The following UBR3 variants were observed in gnomAD, a reference collection of about 807,000 sequenced individuals.
UBR3 encodes E3 ubiquitin-protein ligase UBR3.
Under a neutral mutation model 243.2 loss-of-function variants are expected in UBR3, and 85 were observed. The ratio of observed to expected loss-of-function variants is 0.35; its 90% CI spans 0.29 to 0.42. The LOEUF (loss-of-function observed/expected upper bound fraction) is 0.42, where lower values mean the gene tolerates loss of function less well. Among genes scored for constraint, UBR3 ranks in the 10% least tolerant of loss-of-function variants. The pLI, the probability that UBR3 is intolerant of heterozygous loss-of-function variation, is 1.00. For synonymous variants in UBR3, 748 were observed against 799.8 expected, an observed-to-expected ratio of 0.94 and a Z score of 1.09; for missense variants, 1,686 against 2,300.8, an observed-to-expected ratio of 0.73 and a Z score of 5.47.
In UBR3 at chr2:169,906,241, A is replaced by G. The variant is rs975020033; in HGVS notation, c.1779+77A>G. On this transcript the variant is annotated intron_variant, in intron 10 of 38. Coordinates refer to ENST00000272793, the MANE Select transcript of UBR3 (RefSeq NM_172070.4). ...AAAATATTGGTTTGTTCATTTGTATATAATGTGCAGTGTTTAATTTTGTTT... is the reference window on the plus strand; with the variant it reads ...AAAATATTGGTTTGTTCATTTGTATGTAATGTGCAGTGTTTAATTTTGTTT... 7 of 1,445,636 alleles carry G rather than the reference A, an allele frequency of 4.8e-6. No individual in the cohort carries two copies. The Admixed American group carries it at 8.3e-5, about 17-fold the overall frequency. The allele number at this position is 1,445,636 out of a possible 1,614,324, so 89.6% of individuals were successfully genotyped here. A position where few individuals can be genotyped will look rare whatever the true frequency, so the allele number is the denominator to read the frequency against.
chr2:170,021,222 A>T (rs868305088), intron 30 of UBR3, among the ~76,000 whole-genome samples: 1 of 152,098 alleles, frequency 6.6e-6, no homozygotes, highest in Non-Finnish European at 1.5e-5. Context: ...ATAATTGTCA[A>T]ATTGGGGGGT....
chr2:169,968,058 TA>T (rs1391361495), intron 24 of UBR3, among the ~76,000 whole-genome samples: 1 of 152,014 alleles, frequency 6.6e-6, no homozygotes, highest in Non-Finnish European at 1.5e-5. Flanking sequence ...TTCATTCTTT[TA>T]AAAAAATTTA....
chr2:169,866,273 C>CA (rs2083261170), intron 1 of UBR3, among the ~76,000 whole-genome samples: 10 of 102,992 alleles, frequency 9.7e-5, no homozygotes, highest in Admixed American at 9.7e-4. Context: ...AAAAAAAAAG[C>CA]AAAAAAAGCT....
chr2:170,032,559 CTT>C (rs2090702422), intron 31 of UBR3, among the ~76,000 whole-genome samples: 1 of 36,842 alleles, frequency 2.7e-5, no homozygotes, highest in South Asian at 7.9e-4. Flanking sequence ...CTGAGTTTTT[CTT>C]TGTGCTTGAT....
chr2:170,022,495 T>C (rs1417563340), intron 30 of UBR3, among the ~76,000 whole-genome samples: 2 of 152,188 alleles, frequency 1.3e-5, no homozygotes, highest in Non-Finnish European at 2.9e-5. Context: ...CATATAGTGC[T>C]GGAAGGAACA....
intron 1 of UBR3, among the ~76,000 whole-genome samples, chr2:169,868,687 CAA>C (rs2083335985): frequency 6.6e-6 from 1 of 152,200 alleles, no homozygotes; most frequent in South Asian, 2.1e-4. Flanking sequence ...CCTATATCAT[CAA>C]ATAACCACTA....
rs922436375 is a variant in UBR3, at chr2:169,945,144, G to T, written c.2806-1144G>T. Reference sequence around the variant, plus strand: ...TTCAGTTTTATTTTTCTTTCTTTTAGTTTTTTTTTTTTTGGTTGGGGATGG... The same window carrying T: ...TTCAGTTTTATTTTTCTTTCTTTTATTTTTTTTTTTTTTGGTTGGGGATGG... On this transcript the variant is annotated intron_variant, in intron 20 of 38. Coordinates refer to ENST00000272793, the MANE Select transcript of UBR3 (RefSeq NM_172070.4). Among the ~76,000 whole-genome samples, 5 of 142,530 alleles carry T rather than the reference G, an allele frequency of 3.5e-5. No individual in the cohort carries two copies. The South Asian group carries it at 6.7e-4, about 19-fold the overall frequency. The allele number at this position is 142,530 out of a possible 152,430, so 93.5% of individuals were successfully genotyped here.
At chr2:169,874,330 G>A (rs1308328957) in intron 2 of UBR3, among the ~76,000 whole-genome samples, 2 of 151,842 alleles carry the variant, frequency 1.3e-5, no homozygotes, top group Non-Finnish European at 2.9e-5. Flanking sequence ...CACCACGCCC[G>A]GCTAATTTTT....
intron 13 of UBR3, 108 bp from the exon 14 acceptor site, chr2:169,925,511 G>A (rs62170346): frequency 0.074 from 69,907 of 939,190 alleles, 2,837 homozygotes; most frequent in Non-Finnish European, 0.082. Context: ...ACAGAATATC[G>A]GGCTTATACT....
intron 26 of UBR3, among the ~76,000 whole-genome samples, chr2:170,000,781 A>C (rs1203988406): frequency 6.6e-6 from 1 of 152,200 alleles, no homozygotes; most frequent in African/African-American, 2.4e-5. Context: ...TGCACTGAGA[A>C]TAGAACCTTG....
chr2:169,987,016 C>A (rs990415469), intron 25 of UBR3, among the ~76,000 whole-genome samples: 2 of 152,102 alleles, frequency 1.3e-5, no homozygotes, highest in Admixed American at 1.3e-4. Context: ...TGTATGGTTT[C>A]ACAATTTTTT....
intron 35 of UBR3, among the ~76,000 whole-genome samples, chr2:170,066,645 T>G (rs919013060): frequency 1.3e-5 from 2 of 152,138 alleles, no homozygotes; most frequent in African/African-American, 4.8e-5. Context: ...TAAGCACTGT[T>G]TAAGTGCTTT....
At chr2:169,914,194 A>G (rs2085363024) in intron 11 of UBR3, 48 bp downstream of exon 11, 1 of 1,039,842 alleles carries the variant, frequency 9.6e-7, no homozygotes, top group African/African-American at 1.7e-5. Flanking sequence ...ATGTAAAGAC[A>G]TTTAAGAAAA....
At chr2:170,057,544 T>G (rs1393837272) in intron 33 of UBR3, among the ~76,000 whole-genome samples, 1 of 152,216 alleles carries the variant, frequency 6.6e-6, no homozygotes, top group Non-Finnish European at 1.5e-5. Flanking sequence ...ATTTAAATGT[T>G]TCCTTAGTAA....
intron 31 of UBR3, among the ~76,000 whole-genome samples, chr2:170,038,450 T>G (rs945635397): frequency 6.6e-6 from 1 of 152,194 alleles, no homozygotes; most frequent in Non-Finnish European, 1.5e-5. Flanking sequence ...ATCCAGGCAT[T>G]GGGATATAAT....
intron 35 of UBR3, among the ~76,000 whole-genome samples, chr2:170,062,269 G>A (rs1037865971): frequency 2.0e-5 from 3 of 152,150 alleles, no homozygotes; most frequent in Non-Finnish European, 4.4e-5. Context: ...CCCAAACTGT[G>A]CTTATAGGAA....
rs1399644565 is a variant in UBR3 at position 169,976,560 on chromosome 2, A to G, written c.3635-10085A>G. Among the ~76,000 whole-genome samples, 2 of 152,076 alleles carry G rather than the reference A, an allele frequency of 1.3e-5. 1 individual carries two copies. The highest frequency in any genetic ancestry group is 4.8e-5 in the African/African-American group (2 of 41,410). On this transcript the variant is annotated intron_variant, in intron 24 of 38. Transcript: ENST00000272793. ...TTTGGTAGGCAATTCTTTTCTTTCAAAATTTCAGAACTTTGAAAATATCTA... is the reference window on the plus strand; with the variant it reads ...TTTGGTAGGCAATTCTTTTCTTTCAGAATTTCAGAACTTTGAAAATATCTA...
At chr2:169,927,481 A>T in intron 17 of UBR3, 76 bp downstream of exon 17, 1 of 1,147,482 alleles carries the variant, frequency 8.7e-7, no homozygotes, top group East Asian at 2.7e-5. Context: ...TAGTTTATCA[A>T]TTTTTTGATT....
At chr2:169,833,314 T>C (rs1303844555) in intron 1 of UBR3, among the ~76,000 whole-genome samples, 1 of 152,212 alleles carries the variant, frequency 6.6e-6, no homozygotes, top group Non-Finnish European at 1.5e-5. Flanking sequence ...CAAATTTTGG[T>C]GCAGAGAATG....
Sources: allele counts gnomAD v4.1 joint callset (sites outside exome capture counted in the v4.1 genomes callset), GRCh38; gene constraint gnomAD v4.1.1; transcripts MANE v1.5; gene names NCBI Gene and HGNC (gene_info 2026-07-23, HGNC 2026-07-21).